The following CCDC171 variants were observed in gnomAD, a reference collection of about 807,000 sequenced individuals.
CCDC171 encodes the protein coiled-coil domain containing 171.
CCDC171 carries 177 observed loss-of-function variants against 168.2 expected under a neutral mutation model. The observed-to-expected ratio is 1.05, with a 90% confidence interval of 0.93 to 1.19. The LOEUF (loss-of-function observed/expected upper bound fraction) is 1.19. Ranked by LOEUF, CCDC171 falls within the 50% of genes most tolerant of loss-of-function variation. The probability of loss-of-function intolerance (pLI) is 0.00; values close to 1 mark genes in which losing one functional copy is unlikely to be tolerated. For synonymous variants in CCDC171, 687 were observed against 540.8 expected, an observed-to-expected ratio of 1.27 and a Z score of -3.75; for missense variants, 1,991 against 1,539.0, an observed-to-expected ratio of 1.29 and a Z score of -4.91.
At chr9:15,726,853 G>C (rs114070399) in intron 14 of CCDC171, among the ~76,000 whole-genome samples, 2,599 of 151,964 alleles carry the variant, frequency 0.017, 94 homozygotes, top group African/African-American at 0.059. Flanking sequence ...ATTTTATCTA[G>C]ATAAAATAAA....
intron 21 of CCDC171, among the ~76,000 whole-genome samples, chr9:15,794,702 C>T (rs1000875169): frequency 5.9e-5 from 9 of 152,144 alleles, no homozygotes; most frequent in African/African-American, 1.2e-4. Context: ...ACATGTGATA[C>T]AGATGGCATG....
chr9:15,601,625 G>C (rs1289333326), intron 6 of CCDC171, among the ~76,000 whole-genome samples: 23 of 152,174 alleles, frequency 1.5e-4, no homozygotes, highest in Admixed American at 1.5e-3. Context: ...TTTCAGCGCA[G>C]AGACATGTAA....
chr9:15,910,001 C>T (rs531764433), intron 24 of CCDC171, among the ~76,000 whole-genome samples: 4 of 152,264 alleles, frequency 2.6e-5, no homozygotes, highest in Admixed American at 6.5e-5. Flanking sequence ...CCACTCTGTA[C>T]TTCCATGTGT....
chr9:15,677,809 ACACACACACGCG>A (rs1199115155), intron 9 of CCDC171, among the ~76,000 whole-genome samples: 1 of 137,622 alleles, frequency 7.3e-6, no homozygotes, highest in Non-Finnish European at 1.6e-5. Context: ...ATATATATAC[ACACACACACGCG>A]CACACACACA....
intron 3 of CCDC171, among the ~76,000 whole-genome samples, chr9:15,574,225 A>C (rs1026748983): frequency 4.6e-5 from 7 of 151,682 alleles, no homozygotes; most frequent in Non-Finnish European, 7.4e-5. Flanking sequence ...GCTCACTGCA[A>C]CCTCTGCCTC....
chr9:15,855,380 C>T (rs1174782478), intron 23 of CCDC171, among the ~76,000 whole-genome samples: 1 of 151,814 alleles, frequency 6.6e-6, no homozygotes, highest in Non-Finnish European at 1.5e-5. Flanking sequence ...CTCTTGGTTA[C>T]TGTTTGCGTG....
At chr9:15,699,123 G>A (rs1019361054) in intron 11 of CCDC171, among the ~76,000 whole-genome samples, 2 of 152,112 alleles carry the variant, frequency 1.3e-5, no homozygotes, top group African/African-American at 4.8e-5. Flanking sequence ...TCCAGAGTTT[G>A]TTCCTTCTGG....
chr9:15,851,318 T>G lies in CCDC171; in HGVS notation c.3468+2371T>G, dbSNP rs913712180. Among the ~76,000 whole-genome samples, 14 of 151,882 alleles carry G rather than the reference T, an allele frequency of 9.2e-5. No homozygotes were observed. The East Asian group carries it at 2.7e-3, about 29-fold the overall frequency. On this transcript the variant is annotated intron_variant, in intron 23 of 25. Coordinates refer to ENST00000380701, the MANE Select transcript of CCDC171 (RefSeq NM_173550.4). ...AGGTCAGTCATTTCAGTTAAAAACATATAGTTTTTTTTCAAAGAAATGTAA... is the reference window on the plus strand; with the variant it reads ...AGGTCAGTCATTTCAGTTAAAAACAGATAGTTTTTTTTCAAAGAAATGTAA...
At chr9:15,590,721 C>T (rs2041914899) in intron 4 of CCDC171, among the ~76,000 whole-genome samples, 1 of 151,964 alleles carries the variant, frequency 6.6e-6, no homozygotes, top group African/African-American at 2.4e-5. Flanking sequence ...TAAAAACTTG[C>T]CCTATATATC....
intron 11 of CCDC171, among the ~76,000 whole-genome samples, chr9:15,714,376 A>T (rs1251780096): frequency 6.6e-6 from 1 of 152,070 alleles, no homozygotes; most frequent in East Asian, 1.9e-4. Context: ...GTCCTTTCTA[A>T]ATATGTGTTC....
At position 15,819,602 on chromosome 9, in the gene CCDC171, C is replaced by T. The variant is rs549822251; in HGVS notation, c.3268-27100C>T. Among the ~76,000 whole-genome samples, 13 of 117,350 alleles carry T rather than the reference C, an allele frequency of 1.1e-4. 3 individuals carry two copies. In the South Asian group the frequency reaches 3.6e-3, roughly 33 times the overall value. 77.0% of individuals were successfully genotyped at this position (117,350 alleles called of 152,430 possible). On this transcript the variant is annotated intron_variant, in intron 21 of 25. Transcript: ENST00000380701. The stretch of plus-strand genomic sequence containing the variant: ...TGAAAAGAGACAAAGAAGGCCATTA[C>T]ATAATGGTAAAGGGATAAATTCAAC...
chr9:15,578,259 C>T (rs1425581298), intron 3 of CCDC171, among the ~76,000 whole-genome samples: 11 of 147,408 alleles, frequency 7.5e-5, no homozygotes, highest in African/African-American at 1.7e-4. Flanking sequence ...TTTTTTTAGA[C>T]GGTCTTGCTC....
At chr9:15,822,872 A>G (rs937716409) in intron 21 of CCDC171, among the ~76,000 whole-genome samples, 64 of 152,322 alleles carry the variant, frequency 4.2e-4, no homozygotes, top group African/African-American at 1.4e-3. Context: ...GCTGCTGTAA[A>G]GACACATGCA....
chr9:15,773,400 A>G (rs1329814798), intron 18 of CCDC171, among the ~76,000 whole-genome samples: 1 of 152,236 alleles, frequency 6.6e-6, no homozygotes, highest in Non-Finnish European at 1.5e-5. Flanking sequence ...CAGATTTAGA[A>G]CTACAGGTCG....
At chr9:15,736,442 C>G (rs1043497392) in intron 16 of CCDC171, among the ~76,000 whole-genome samples, 2 of 152,080 alleles carry the variant, frequency 1.3e-5, no homozygotes, top group Admixed American at 6.5e-5. Context: ...CCTCAACCTC[C>G]CAGGCTTAAG....
Position 15,914,458 on chromosome 9 carries a change from C to T in CCDC171, c.3601-5812C>T, listed in dbSNP as rs191508146. Among the ~76,000 whole-genome samples the T allele has an allele frequency of 5.5e-3, 831 of 152,216 alleles. 8 individuals carry two copies. The highest frequency in any genetic ancestry group is 8.2e-3 in the Non-Finnish European group (556 of 68,020). ...TTTGTTTAAACTGTGAGGGGAAAAC[C>T]GCCTTCTCAAGCCTCAGTAATGGTG... On this transcript the variant is annotated intron_variant, in intron 24 of 25. Transcript: ENST00000380701.
At chr9:15,932,577 C>G (rs1400510416) in intron 25 of CCDC171, among the ~76,000 whole-genome samples, 2 of 151,884 alleles carry the variant, frequency 1.3e-5, no homozygotes, top group East Asian at 3.9e-4. Flanking sequence ...TGACATCCTC[C>G]TTTCCAATTT....
chr9:16,023,333 A>G (rs1040894767), intron 6 of CCDC171, among the ~76,000 whole-genome samples: 14 of 152,200 alleles, frequency 9.2e-5, no homozygotes, highest in Admixed American at 2.6e-4. Flanking sequence ...GTATAGCAAA[A>G]TGATTAACAT....
At chr9:15,857,983 A>ATATATATG (rs1285624268) in intron 23 of CCDC171, among the ~76,000 whole-genome samples, 1 of 151,838 alleles carries the variant, frequency 6.6e-6, no homozygotes, top group South Asian at 2.1e-4. Context: ...GTAGATGTGT[A>ATATATATG]TATATATGTA....
Sources: gnomAD v4.1 joint callset for allele counts (sites outside exome capture counted in the v4.1 genomes callset) on GRCh38, gnomAD v4.1.1 for gene constraint, MANE v1.5 for transcripts, NCBI Gene and HGNC (gene_info 2026-07-23, HGNC 2026-07-21) for gene names.